Variants in FGGY observed in about 807,000 individuals in gnomAD.
The protein encoded by FGGY is FGGY carbohydrate kinase domain containing.
FGGY carries 72 observed loss-of-function variants against 71.3 expected under a neutral mutation model. The ratio of observed to expected loss-of-function variants is 1.01; its 90% CI spans 0.84 to 1.23. FGGY has a LOEUF of 1.23. Among genes scored for constraint, FGGY ranks in the 50% most tolerant of loss-of-function variants. The probability of loss-of-function intolerance (pLI) is 0.00; values close to 1 mark genes in which losing one functional copy is unlikely to be tolerated. For synonymous variants in FGGY, 251 were observed against 250.3 expected (o/e 1.00, Z -0.02); for missense variants, 668 against 682.3 (o/e 0.98, Z 0.23).
At chr1:59,644,407 G>A (rs2097068612) in intron 11 of FGGY, among the ~76,000 whole-genome samples, 1 of 152,190 alleles carries the variant, frequency 6.6e-6, no homozygotes, top group Non-Finnish European at 1.5e-5. Context: ...AAGAGAGGTG[G>A]AGGAGGTGGG....
At chr1:59,375,088 A>G (rs1331125211) in intron 4 of FGGY, among the ~76,000 whole-genome samples, 1 of 142,914 alleles carries the variant, frequency 7.0e-6, no homozygotes, top group African/African-American at 2.6e-5. Flanking sequence ...AAATCCACCT[A>G]GTTTTCATCA....
chr1:59,485,662 G>A (rs1050270975), intron 6 of FGGY, among the ~76,000 whole-genome samples: 2 of 152,132 alleles, frequency 1.3e-5, no homozygotes, highest in African/African-American at 4.8e-5. Context: ...AATAAAAATG[G>A]TGACTCATAA....
intron 4 of FGGY, among the ~76,000 whole-genome samples, chr1:59,373,526 T>G (rs973234375): frequency 6.6e-6 from 1 of 152,170 alleles, no homozygotes; most frequent in East Asian, 1.9e-4. Flanking sequence ...AAGCTACCAA[T>G]GACTTTCTTC....
chr1:59,402,841 T>G (rs535825091), intron 5 of FGGY, among the ~76,000 whole-genome samples: 54 of 152,052 alleles, frequency 3.6e-4, no homozygotes, highest in African/African-American at 1.3e-3. Flanking sequence ...GGGCATAGGG[T>G]CATGGAAAAG....
intron 5 of FGGY, among the ~76,000 whole-genome samples, chr1:59,419,481 G>A (rs1315207054): frequency 1.3e-5 from 2 of 152,268 alleles, no homozygotes; most frequent in Non-Finnish European, 2.9e-5. Context: ...GCTTGGATAT[G>A]CTCTTTTTAT....
intron 10 of FGGY, among the ~76,000 whole-genome samples, chr1:59,634,664 GA>G (rs200358838): frequency 8.1e-5 from 12 of 148,112 alleles, no homozygotes; most frequent in Admixed American, 1.3e-4. Context: ...CAATAGGTCC[GA>G]AAAAAAAAAT....
chr1:59,511,978 A>G (rs767296707), intron 6 of FGGY, among the ~76,000 whole-genome samples: 1 of 152,174 alleles, frequency 6.6e-6, no homozygotes, highest in Non-Finnish European at 1.5e-5. Context: ...TAGGAAGCCC[A>G]TTTGGAATGG....
intron 5 of FGGY, among the ~76,000 whole-genome samples, chr1:59,414,324 A>G (rs2064034874): frequency 6.6e-6 from 1 of 152,204 alleles, no homozygotes; most frequent in African/African-American, 2.4e-5. Flanking sequence ...GCCTTTATCC[A>G]GGTTCTTGTT....
rs187122853 is a variant in FGGY at position 59,589,575 on chromosome 1, A to G, written c.904-18228A>G. On this transcript the variant is annotated intron_variant, in intron 8 of 15. Coordinates refer to ENST00000303721, the MANE Select transcript of FGGY (RefSeq NM_018291.5). ...GAGCAAATGTAAAAGAACAGAAATTATAACAAACTGTCTCTCAGACCACAG... is the reference window on the plus strand; with the variant it reads ...GAGCAAATGTAAAAGAACAGAAATTGTAACAAACTGTCTCTCAGACCACAG... Among the ~76,000 whole-genome samples the G allele has an allele frequency of 4.9e-3, 746 of 152,370 alleles. 8 individuals carry two copies. The highest frequency in any genetic ancestry group is 0.017 in the African/African-American group (707 of 41,588).
In FGGY at chr1:59,589,130, A is replaced by G. The variant is rs143133205; in HGVS notation, c.904-18673A>G. 7.2e-3 allele frequency among the ~76,000 whole-genome samples: 1,094 copies of G among 152,250 alleles called. 8 individuals are homozygous for G. Among genetic ancestry groups the G allele is most frequent in the African/African-American group, 0.025 (1,020 of 41,546 alleles). On this transcript the variant is annotated intron_variant, in intron 8 of 15. Coordinates refer to ENST00000303721, the MANE Select transcript of FGGY (RefSeq NM_018291.5). ...CAAATGGAAAACAAAAAAAGGCAGGAGTTGCAATCCTAGTCTCTGATAAAA... is the reference window on the plus strand; with the variant it reads ...CAAATGGAAAACAAAAAAAGGCAGGGGTTGCAATCCTAGTCTCTGATAAAA...
chr1:59,467,181 A>T (rs1416819818), intron 6 of FGGY, among the ~76,000 whole-genome samples: 1 of 152,182 alleles, frequency 6.6e-6, no homozygotes, highest in Non-Finnish European at 1.5e-5. Flanking sequence ...ATAAAACAGG[A>T]TGAGTACATG....
intron 13 of FGGY, among the ~76,000 whole-genome samples, chr1:59,669,540 C>CTTTTTTTTTTTTTTTTTTTTTTTTT (rs58004594): frequency 6.8e-5 from 7 of 102,500 alleles, no homozygotes; most frequent in African/African-American, 7.6e-5. Flanking sequence ...TTCTAGACTT[C>CTTTTTTTTTTTTTTTTTTTTTTTTT]TTTTTTTTTT....
intron 14 of FGGY, among the ~76,000 whole-genome samples, chr1:59,696,931 C>T (rs2097664949): frequency 6.6e-6 from 1 of 151,772 alleles, no homozygotes; most frequent in Non-Finnish European, 1.5e-5. Flanking sequence ...CCAGAGAGCT[C>T]GTTGCTGATC....
At chr1:59,714,360 G>A (rs1405828735) in intron 14 of FGGY, among the ~76,000 whole-genome samples, 1 of 152,144 alleles carries the variant, frequency 6.6e-6, no homozygotes, top group Admixed American at 6.6e-5. Flanking sequence ...TTAGATCTGG[G>A]ACTTCAAAGA....
At chr1:59,357,667 A>C (rs2054601759) in intron 4 of FGGY, among the ~76,000 whole-genome samples, 1 of 152,190 alleles carries the variant, frequency 6.6e-6, no homozygotes, top group South Asian at 2.1e-4. Context: ...TCAGCTCCAT[A>C]AAAGCAGGGA....
intron 8 of FGGY, among the ~76,000 whole-genome samples, chr1:59,578,924 C>T (rs914677170): frequency 6.6e-6 from 1 of 152,066 alleles, no homozygotes; most frequent in Non-Finnish European, 1.5e-5. Flanking sequence ...GAAGAAAAAC[C>T]TTGACCTTAT....
rs79044992 is a variant in FGGY at position 59,689,847 on chromosome 1, C to T, written c.1512+15714C>T. ...TGTCATTGAGAGATGGGGAGCAAGC[C>T]ACTTTCTACCAGCTCAAAATCTACT... On this transcript the variant is annotated intron_variant, in intron 14 of 15. Transcript: ENST00000303721. 1.1e-4 allele frequency among the ~76,000 whole-genome samples: 16 copies of T among 152,206 alleles called. 1 individual carries two copies. The East Asian group carries it at 2.7e-3, about 26-fold the overall frequency.
Position 59,582,968 on chromosome 1 carries a change from A to G in FGGY, c.904-24835A>G, listed in dbSNP as rs370432530. 2.6e-5 allele frequency among the ~76,000 whole-genome samples: 3 copies of G among 115,824 alleles called. 1 individual carries two copies. The highest frequency in any genetic ancestry group is 5.5e-5 in the Non-Finnish European group (3 of 54,298). 76.0% of individuals were successfully genotyped at this position (115,824 alleles called of 152,430 possible). ...CATGCTTGAGGATCCAAAGGAGTTT[A>G]CCATTTTGTAATGCCACAGATGTGT... On this transcript the variant is annotated intron_variant, in intron 8 of 15. Coordinates refer to ENST00000303721, the MANE Select transcript of FGGY (RefSeq NM_018291.5).
intron 6 of FGGY, among the ~76,000 whole-genome samples, chr1:59,493,786 G>A (rs537854575): frequency 3.3e-5 from 5 of 152,010 alleles, no homozygotes; most frequent in Non-Finnish European, 7.4e-5. Flanking sequence ...AGTTAAGATA[G>A]TAAATGTTAT....
Sources: gnomAD v4.1 joint callset for allele counts (sites outside exome capture counted in the v4.1 genomes callset) on GRCh38, gnomAD v4.1.1 for gene constraint, MANE v1.5 for transcripts, NCBI Gene and HGNC (gene_info 2026-07-23, HGNC 2026-07-21) for gene names.